Variants in NELL1 observed in about 807,000 individuals in gnomAD.
The protein encoded by NELL1 is protein kinase C-binding protein NELL1.
In NELL1, 76 loss-of-function variants were observed where a neutral mutation model predicts 107.4. That is an observed-to-expected ratio of 0.71 (90% CI 0.59 to 0.86). The LOEUF (loss-of-function observed/expected upper bound fraction) is 0.86. Among genes scored for constraint, NELL1 ranks in the 40% least tolerant of loss-of-function variants. NELL1 has a pLI of 0.00. For synonymous variants in NELL1, 353 were observed against 341.2 expected, an observed-to-expected ratio of 1.03 and a Z score of -0.38; for missense variants, 1,024 against 1,005.5, an observed-to-expected ratio of 1.02 and a Z score of -0.25.
chr11:20,873,653 C>T (rs920207850), intron 4 of NELL1, among the ~76,000 whole-genome samples: 3 of 151,898 alleles, frequency 2.0e-5, no homozygotes, highest in African/African-American at 7.3e-5. Flanking sequence ...TAACTTGTCC[C>T]AAGTCACAAA....
chr11:21,066,622 G>A (rs1223499239), intron 12 of NELL1, among the ~76,000 whole-genome samples: 2 of 152,274 alleles, frequency 1.3e-5, no homozygotes, highest in African/African-American at 4.8e-5. Flanking sequence ...CTTTCAGGAA[G>A]TATTCTAGGT....
intron 3 of NELL1, among the ~76,000 whole-genome samples, chr11:20,823,474 T>C (rs899359978): frequency 2.0e-5 from 3 of 151,220 alleles, no homozygotes; most frequent in African/African-American, 4.8e-5. Flanking sequence ...GCAGTAGGAC[T>C]GCAGGGAGGG....
intron 12 of NELL1, among the ~76,000 whole-genome samples, chr11:20,976,294 G>A (rs1851634057): frequency 6.6e-6 from 1 of 151,674 alleles, no homozygotes; most frequent in Admixed American, 6.6e-5. Flanking sequence ...ATAAATTTCA[G>A]TATAGACAAT....
chr11:21,100,925 G>T (rs1170898941), intron 12 of NELL1, among the ~76,000 whole-genome samples: 2 of 151,734 alleles, frequency 1.3e-5, no homozygotes, highest in Non-Finnish European at 2.9e-5. Context: ...TGCCATGTTG[G>T]TGTGCTGCAC....
rs549820454 is a variant in NELL1 at position 21,310,961 on chromosome 11, T to C, written c.1550-59892T>C. Among the ~76,000 whole-genome samples the C allele has an allele frequency of 5.9e-5, 9 of 152,224 alleles. 1 individual carries two copies. In the South Asian group the frequency reaches 1.9e-3, roughly 32 times the overall value. On this transcript the variant is annotated intron_variant, in intron 14 of 19. Transcript: ENST00000357134. ...GTCATTCAAGTTGACTGAGCTTTCT[T>C]TTCAAGCTTCGGTATATGGGCAGCA...
chr11:21,020,501 TG>T (rs1400448279), intron 12 of NELL1, among the ~76,000 whole-genome samples: 1 of 152,140 alleles, frequency 6.6e-6, no homozygotes, highest in Admixed American at 6.6e-5. Context: ...AAGTTAGTTT[TG>T]TTTTTTTTTC....
intron 2 of NELL1, among the ~76,000 whole-genome samples, chr11:20,758,763 C>T (rs1429890396): frequency 1.3e-5 from 2 of 152,208 alleles, no homozygotes; most frequent in Non-Finnish European, 2.9e-5. Flanking sequence ...CACTAGATTA[C>T]AGTAGTGCCC....
chr11:21,465,776 T>A (rs1854014522), intron 15 of NELL1, among the ~76,000 whole-genome samples: 1 of 152,118 alleles, frequency 6.6e-6, no homozygotes, highest in Non-Finnish European at 1.5e-5. Context: ...TCACTGCTAT[T>A]GTTCATACCA....
chr11:21,345,164 C>G (rs896696547), intron 14 of NELL1, among the ~76,000 whole-genome samples: 6 of 152,102 alleles, frequency 3.9e-5, no homozygotes, highest in Admixed American at 3.9e-4. Flanking sequence ...CAATTAGTCA[C>G]TTTGTTAATT....
At chr11:20,974,343 A>G (rs560469466) in intron 12 of NELL1, among the ~76,000 whole-genome samples, 19 of 152,336 alleles carry the variant, frequency 1.2e-4, no homozygotes, top group East Asian at 7.7e-4. Context: ...TAATTGGTCA[A>G]TAAATAAACC....
chr11:20,978,998 G>A (rs1013077569), intron 12 of NELL1, among the ~76,000 whole-genome samples: 1 of 152,120 alleles, frequency 6.6e-6, no homozygotes, highest in Admixed American at 6.6e-5. Flanking sequence ...ATAGGATTTT[G>A]CAGGCCCCCC....
chr11:21,145,420 A>C (rs1201221460), intron 13 of NELL1, among the ~76,000 whole-genome samples: 1 of 152,216 alleles, frequency 6.6e-6, no homozygotes. Flanking sequence ...ATAATCATTT[A>C]AAATGGAATT....
chr11:21,126,848 A>C (rs1206220887), intron 13 of NELL1, among the ~76,000 whole-genome samples: 1 of 152,326 alleles, frequency 6.6e-6, no homozygotes, highest in Non-Finnish European at 1.5e-5. Context: ...TGTAGTGTAA[A>C]GTGGACTTCA....
In NELL1 at chr11:20,928,414, C is replaced by T. The variant is rs55926004; in HGVS notation, c.932C>T (p.Pro311Leu). 8,254 of 1,614,058 alleles carry T rather than the reference C, an allele frequency of 5.1e-3. 38 individuals carry two copies. The highest frequency in any genetic ancestry group is 6.2e-3 in the Non-Finnish European group (7,348 of 1,179,932). The change falls in exon 9 of 20, where the codon CCT becomes CTT. Residue 311 changes from proline to leucine, a missense_variant. By Grantham distance (98) the Pro-to-Leu change is moderately conservative. Coordinates refer to ENST00000357134, the MANE Select transcript of NELL1 (RefSeq NM_006157.5). ...AVECRRMSCP[P>L]LNCSPDSLPV... is the part of the protein sequence containing the mutation. ...GAATGCCGAAGGATGTCCTGTCCCC[C>T]TCTCAATTGCTCCCCAGACTCCCTC...
chr11:20,846,951 A>G (rs1188534284), intron 3 of NELL1, among the ~76,000 whole-genome samples: 1 of 152,238 alleles, frequency 6.6e-6, no homozygotes, highest in Non-Finnish European at 1.5e-5. Context: ...TATGGGTTTG[A>G]AAAACAGGAT....
At chr11:21,190,903 G>A (rs757373891) in intron 13 of NELL1, among the ~76,000 whole-genome samples, 4 of 151,692 alleles carry the variant, frequency 2.6e-5, no homozygotes, top group African/African-American at 9.7e-5. Flanking sequence ...AATGAGAGAG[G>A]TCATAGAGTT....
intron 12 of NELL1, among the ~76,000 whole-genome samples, chr11:21,085,538 A>G (rs919425313): frequency 6.6e-6 from 1 of 152,084 alleles, no homozygotes; most frequent in Non-Finnish European, 1.5e-5. Context: ...CAGAAGGCTC[A>G]GGTAGGAAGA....
chr11:20,756,839 C>A (rs1347579787), intron 2 of NELL1, among the ~76,000 whole-genome samples: 1 of 152,116 alleles, frequency 6.6e-6, no homozygotes, highest in Non-Finnish European at 1.5e-5. Context: ...TTGCACTAGA[C>A]TCCATAGTGG....
rs368701473 is a variant in NELL1, at chr11:21,413,475, T to C, written c.1645+42527T>C. 5.9e-5 allele frequency among the ~76,000 whole-genome samples: 9 copies of C among 152,196 alleles called. No individual in the cohort carries two copies. The South Asian group carries it at 1.0e-3, about 18-fold the overall frequency. Reference sequence around the variant, plus strand: ...AGTGTGGCTGCTTTGAAAGACGAGCTTAAAGAAATCTCTAATCAAATCCTA... The same window carrying C: ...AGTGTGGCTGCTTTGAAAGACGAGCCTAAAGAAATCTCTAATCAAATCCTA... On this transcript the variant is annotated intron_variant, in intron 15 of 19. Coordinates refer to ENST00000357134, the MANE Select transcript of NELL1 (RefSeq NM_006157.5).
Sources: allele counts gnomAD v4.1 joint callset (sites outside exome capture counted in the v4.1 genomes callset), GRCh38; gene constraint gnomAD v4.1.1; transcripts MANE v1.5; gene names NCBI Gene and HGNC (gene_info 2026-07-23, HGNC 2026-07-21).